The following CRYZL1 variants were observed in gnomAD, a reference collection of about 807,000 sequenced individuals.
CRYZL1 encodes the protein crystallin zeta like 1.
Under a neutral mutation model 50.6 loss-of-function variants are expected in CRYZL1, and 34 were observed. That is an observed-to-expected ratio of 0.67 (90% CI 0.51 to 0.89). The LOEUF is 0.89. Among genes scored for constraint, CRYZL1 ranks in the 40% least tolerant of loss-of-function variants. CRYZL1 has a pLI of 0.00. For synonymous variants in CRYZL1, 125 were observed against 134.3 expected (o/e 0.93, Z 0.48); for missense variants, 354 against 402.3 (o/e 0.88, Z 1.03).
intron 2 of CRYZL1, among the ~76,000 whole-genome samples, chr21:33,626,641 G>A (rs773072758): frequency 1.3e-5 from 2 of 150,822 alleles, no homozygotes; most frequent in East Asian, 2.0e-4. Flanking sequence ...AGGTTGCAGC[G>A]AGCTGATATT....
At chr21:33,605,527 A>ATTTTTTTTTTTTTTTTTTTTTTTTT (rs1555904645) in intron 6 of CRYZL1, among the ~76,000 whole-genome samples, 5 of 14,836 alleles carry the variant, frequency 3.4e-4, no homozygotes, top group African/African-American at 8.2e-4. Flanking sequence ...CAGTACAAGA[A>ATTTTTTTTTTTTTTTTTTTTTTTTT]TTCTTTTTTT....
Position 33,603,455 on chromosome 21 carries a change from A to G in CRYZL1, c.414T>C (p.Tyr138=), listed in dbSNP as rs763062343. The change falls in exon 7 of 13, where the codon TAT becomes TAC. Residue 138 remains tyrosine (Y), a synonymous_variant. Coordinates refer to ENST00000381554, the MANE Select transcript of CRYZL1 (RefSeq NM_145858.3). ...DGVRAYTALH[Y]LSHLSPGKSV... is the part of the protein sequence containing the mutation. ...ATTTTCCAGGAGAGAGATGAGAAAGATAATGCAGAGCTGTATAGGCACGCA... is the reference window on the plus strand; with the variant it reads ...ATTTTCCAGGAGAGAGATGAGAAAGGTAATGCAGAGCTGTATAGGCACGCA... 1 of 1,614,206 alleles carries G rather than the reference A, an allele frequency of 6.2e-7. No homozygotes were observed. The highest frequency in any genetic ancestry group is 1.7e-5 in the Admixed American group (1 of 60,028).
At chr21:33,612,567 G>C (rs1292059192) in intron 6 of CRYZL1, among the ~76,000 whole-genome samples, 2 of 152,156 alleles carry the variant, frequency 1.3e-5, no homozygotes, top group Non-Finnish European at 2.9e-5. Context: ...AGGATCACAG[G>C]CGTGAGCCGC....
At chr21:33,595,917 T>G in intron 10 of CRYZL1, 81 bp from the exon 11 acceptor site, 3 of 884,278 alleles carry the variant, frequency 3.4e-6, no homozygotes, top group African/African-American at 1.7e-5. Context: ...CAGAAAAACT[T>G]CTACACAAAT....
chr21:33,604,603 C>A (rs2086792287), intron 6 of CRYZL1, among the ~76,000 whole-genome samples: 2 of 151,538 alleles, frequency 1.3e-5, no homozygotes, highest in South Asian at 2.1e-4. Context: ...CATATGCATT[C>A]TTTTCTACCT....
intron 12 of CRYZL1, 86 bp from the exon 13 acceptor site, chr21:33,590,007 A>G (rs756852326): frequency 3.0e-5 from 22 of 729,624 alleles, no homozygotes; most frequent in Non-Finnish European, 5.1e-5. Flanking sequence ...GCTAGTGCTC[A>G]AATCTATTAG....
Position 33,623,363 on chromosome 21 carries a change from C to T in CRYZL1, c.145-1295G>A, listed in dbSNP as rs1312550410. Among the ~76,000 whole-genome samples, 13 of 152,094 alleles carry T rather than the reference C, an allele frequency of 8.5e-5. 1 individual carries two copies. The South Asian group carries it at 2.5e-3, about 29-fold the overall frequency. On this transcript the variant is annotated intron_variant, in intron 3 of 12. Transcript: ENST00000381554. ...TACCATAAGCATTTTCTTACATTAC[C>T]CACACAGTTTTCATAACCATTATGC...
intron 6 of CRYZL1, among the ~76,000 whole-genome samples, chr21:33,606,568 G>C (rs901265958): frequency 7.2e-5 from 11 of 151,952 alleles, no homozygotes; most frequent in Admixed American, 2.0e-4. Flanking sequence ...GGAGGTTGCG[G>C]TGAGCTGAGA....
At chr21:33,597,562 C>T (rs1400548583) in intron 9 of CRYZL1, among the ~76,000 whole-genome samples, 161 bp from the exon 10 acceptor site, 1 of 152,120 alleles carries the variant, frequency 6.6e-6, no homozygotes, top group Non-Finnish European at 1.5e-5. Flanking sequence ...CAGCCTCAGC[C>T]TCATGAGTAG....
At chr21:33,599,078 G>A in intron 9 of CRYZL1, 72 bp downstream of exon 9, 1 of 1,386,094 alleles carries the variant, frequency 7.2e-7, no homozygotes, top group Non-Finnish European at 1.0e-6. Flanking sequence ...ATTATGCCCT[G>A]GTTAAATTTT....
chr21:33,593,115 C>T (rs1180496510), intron 11 of CRYZL1, among the ~76,000 whole-genome samples: 5 of 150,350 alleles, frequency 3.3e-5, no homozygotes, highest in African/African-American at 1.2e-4. Context: ...TAAAACATTT[C>T]TTTTTTTTTG....
Position 33,603,473 on chromosome 21 carries a change from G to C in CRYZL1, c.396C>G (p.Ala132=), listed in dbSNP as rs1316282031. 2.5e-6 allele frequency: 4 copies of C among 1,613,998 alleles called. No homozygotes were observed. The highest frequency in any genetic ancestry group is 3.4e-6 in the Non-Finnish European group (4 of 1,180,004). The change falls in exon 7 of 13, where the codon GCC becomes GCG. Residue 132 remains alanine, a synonymous_variant. Coordinates refer to ENST00000381554, the MANE Select transcript of CRYZL1 (RefSeq NM_145858.3). ...AAGSIRDGVR[A]YTALHYLSHL... is the part of the protein sequence containing the mutation. ...GAGAAAGATAATGCAGAGCTGTATAGGCACGCACTCCATCCCGAATGCTTC... is the reference window on the plus strand; with the variant it reads ...GAGAAAGATAATGCAGAGCTGTATACGCACGCACTCCATCCCGAATGCTTC...
At chr21:33,626,707 A>G (rs1176963028) in intron 2 of CRYZL1, among the ~76,000 whole-genome samples, 1 of 152,016 alleles carries the variant, frequency 6.6e-6, no homozygotes, top group East Asian at 1.9e-4. Flanking sequence ...AAAAAAAAAA[A>G]AAAAGAAAAA....
Position 33,595,830 on chromosome 21 carries a change from G to A in CRYZL1, c.805C>T (p.Pro269Ser). 1 of 1,605,392 alleles carries A rather than the reference G, an allele frequency of 6.2e-7. No homozygotes were observed. Among genetic ancestry groups the A allele is most frequent in the Non-Finnish European group, 8.5e-7 (1 of 1,172,012 alleles). ...AGGAAAAGGCAGTGGCTATCTGGAGGATCCAACTTGGATAGAATGAAACAA... is the reference window on the plus strand; with the variant it reads ...AGGAAAAGGCAGTGGCTATCTGGAGAATCCAACTTGGATAGAATGAAACAA... ...VTTEENLQLD[P>S]PDSHCLFLKG... The change falls in exon 11 of 13, where the codon CCT becomes TCT. Residue 269 changes from proline to serine, a missense_variant. Pro to Ser is a moderately conservative substitution (Grantham distance 74, BLOSUM62 -1). Coordinates refer to ENST00000381554, the MANE Select transcript of CRYZL1 (RefSeq NM_145858.3).
intron 10 of CRYZL1, among the ~76,000 whole-genome samples, chr21:33,596,659 A>AATAAAAAT (rs1000082170): frequency 3.9e-5 from 6 of 152,008 alleles, no homozygotes; most frequent in Admixed American, 3.9e-4. Flanking sequence ...AAAATAAAAA[A>AATAAAAAT]ATAAAATAAA....
intron 5 of CRYZL1, among the ~76,000 whole-genome samples, chr21:33,614,024 T>C (rs2086900809): frequency 6.6e-6 from 1 of 151,600 alleles, no homozygotes; most frequent in Middle Eastern, 3.2e-3. Flanking sequence ...TATAAAAAAT[T>C]AGCTGGGCAT....
At chr21:33,638,002 G>T (rs888893387) in intron 1 of CRYZL1, among the ~76,000 whole-genome samples, 2 of 151,708 alleles carry the variant, frequency 1.3e-5, no homozygotes, top group African/African-American at 4.8e-5. Context: ...TTGATCATTT[G>T]GGAAAAGGTG....
At chr21:33,637,424 G>C (rs1353175947) in intron 1 of CRYZL1, among the ~76,000 whole-genome samples, 1 of 146,020 alleles carries the variant, frequency 6.8e-6, no homozygotes, top group East Asian at 2.0e-4. Context: ...CAGCCTGGGC[G>C]ACAGAGCGAG....
intron 1 of CRYZL1, among the ~76,000 whole-genome samples, chr21:33,632,361 C>G (rs2087149415): frequency 6.6e-6 from 1 of 151,886 alleles, no homozygotes; most frequent in Non-Finnish European, 1.5e-5. Flanking sequence ...AATAAATAAA[C>G]TTATATTCTG....
Sources: allele counts gnomAD v4.1 joint callset (sites outside exome capture counted in the v4.1 genomes callset), GRCh38; gene constraint gnomAD v4.1.1; transcripts MANE v1.5; gene names NCBI Gene and HGNC (gene_info 2026-07-23, HGNC 2026-07-21).